The following WSCD2 variants were observed in gnomAD, a reference collection of about 807,000 sequenced individuals.
WSCD2 encodes the protein WSC domain sialate O sulfotransferase 2.
A neutral mutation model predicts 55.7 loss-of-function variants in WSCD2; 28 were observed. That is an observed-to-expected ratio of 0.50 (90% CI 0.37 to 0.69). The LOEUF is 0.69. Ranked by LOEUF, WSCD2 falls within the 30% of genes least tolerant of loss-of-function variation. The pLI, the probability that WSCD2 is intolerant of heterozygous loss-of-function variation, is 0.00. For synonymous variants in WSCD2, 301 were observed against 301.9 expected (o/e 1.00, Z 0.03); for missense variants, 616 against 762.1 (o/e 0.81, Z 2.26).
rs896297797 is a variant in WSCD2, at chr12:108,195,677, C to A, written c.-156C>A. The A allele has an allele frequency of 9.4e-7, 1 of 1,060,466 alleles. No individual in the cohort carries two copies. Among genetic ancestry groups the A allele is most frequent in the Non-Finnish European group, 1.3e-6 (1 of 754,654 alleles). The allele number at this position is 1,060,466 out of a possible 1,614,324, so 65.7% of individuals were successfully genotyped here. ...CTCAGCCAAGCATTGAACTTGCCCT[C>A]CCCTTCTGGCCTTGGTGATCACTTT... On this transcript the variant is annotated 5_prime_UTR_variant, in exon 2 of 9. Coordinates refer to ENST00000547525, the MANE Select transcript of WSCD2 (RefSeq NM_014653.4).
At chr12:108,148,459 G>A (rs1339847053) in intron 1 of WSCD2, among the ~76,000 whole-genome samples, 1 of 151,922 alleles carries the variant, frequency 6.6e-6, no homozygotes, top group African/African-American at 2.4e-5. Flanking sequence ...GGACAATGGC[G>A]GTGGGTAGTG....
At chr12:108,188,593 T>G (rs1882798056) in intron 1 of WSCD2, among the ~76,000 whole-genome samples, 1 of 152,148 alleles carries the variant, frequency 6.6e-6, no homozygotes, top group Admixed American at 6.5e-5. Context: ...TAATGGCATT[T>G]CTTCTCAAGC....
chr12:108,183,234 G>A (rs181287462), intron 1 of WSCD2, among the ~76,000 whole-genome samples: 23 of 152,342 alleles, frequency 1.5e-4, no homozygotes, highest in Admixed American at 1.5e-3. Flanking sequence ...TGGTCAAAAT[G>A]AGAAGATCCA....
intron 3 of WSCD2, among the ~76,000 whole-genome samples, chr12:108,207,438 C>T (rs1318678710): frequency 2.0e-5 from 3 of 151,370 alleles, no homozygotes; most frequent in Non-Finnish European, 4.4e-5. Context: ...GGCATAATCT[C>T]GGCTCACTGC....
chr12:108,248,039 C>T lies in WSCD2; in HGVS notation c.1394C>T (p.Thr465Ile). ...RNYAPWWATH[T>I]LDWLKFGKKV... The stretch of plus-strand genomic sequence containing the variant: ...TATGCCCCGTGGTGGGCCACTCACA[C>T]ACTGGACTGGCTCAAGTTTGGCAAG... Residue 465 changes from threonine (T) to isoleucine (I), a missense_variant, in exon 9 of 9, where the codon ACA becomes ATA. Physicochemically the swap from Thr to Ile is moderately conservative, Grantham distance 89. Coordinates refer to ENST00000547525, the MANE Select transcript of WSCD2 (RefSeq NM_014653.4). This position sits in a 1 kb window ranked among gnomAD's most constrained non-coding sequence, Gnocchi z 4.3. 6.2e-7 allele frequency: 1 copy of T among 1,614,208 alleles called. No individual in the cohort carries two copies. Among genetic ancestry groups the T allele is most frequent in the Non-Finnish European group, 8.5e-7 (1 of 1,180,036 alleles).
chr12:108,136,386 C>T (rs1018688343), intron 1 of WSCD2, among the ~76,000 whole-genome samples: 4 of 128,306 alleles, frequency 3.1e-5, no homozygotes, highest in African/African-American at 1.1e-4. Context: ...AGGACTTCTC[C>T]AGTGCAGCTT....
At position 108,195,791 on chromosome 12, in the gene WSCD2, C is replaced by A; in HGVS notation, c.-42C>A. The A allele has an allele frequency of 6.4e-7, 1 of 1,561,224 alleles. No homozygotes were observed. Among genetic ancestry groups the A allele is most frequent in the Non-Finnish European group, 8.7e-7 (1 of 1,151,796 alleles). On this transcript the variant is annotated 5_prime_UTR_variant, in exon 2 of 9. Coordinates refer to ENST00000547525, the MANE Select transcript of WSCD2 (RefSeq NM_014653.4). ...AGCCCCTTCCATCCTCTCCCAAGCA[C>A]CCCAGCCAAGCCCCAGAGAGCCAGT...
intron 1 of WSCD2, among the ~76,000 whole-genome samples, chr12:108,172,664 G>A (rs1446373705): frequency 6.6e-6 from 1 of 152,202 alleles, no homozygotes; most frequent in African/African-American, 2.4e-5. Context: ...AAGATCGCCA[G>A]CAACTGCTAG....
At chr12:108,144,309 G>T (rs1470729818) in intron 1 of WSCD2, among the ~76,000 whole-genome samples, 1 of 152,068 alleles carries the variant, frequency 6.6e-6, no homozygotes, top group African/African-American at 2.4e-5. Context: ...CTTTTTCATG[G>T]CCATGGGAGC....
chr12:108,136,866 C>A (rs1303422064), intron 1 of WSCD2, among the ~76,000 whole-genome samples: 1 of 152,208 alleles, frequency 6.6e-6, no homozygotes, highest in Non-Finnish European at 1.5e-5. Flanking sequence ...ATGCACCAGG[C>A]CAGGTCCATC....
At chr12:108,131,782 T>A (rs1468553147) in intron 1 of WSCD2, 4 of 152,280 alleles carry the variant, frequency 2.6e-5, no homozygotes, top group Non-Finnish European at 5.9e-5. Context: ...GACCAGCCAC[T>A]CCTAGTGGGG....
intron 4 of WSCD2, among the ~76,000 whole-genome samples, chr12:108,217,710 G>C (rs1284194926): frequency 6.6e-6 from 1 of 152,136 alleles, no homozygotes; most frequent in African/African-American, 2.4e-5. Context: ...ACTGCTCCTG[G>C]AACTGACTTC....
chr12:108,222,841 C>T (rs1352448595), intron 4 of WSCD2, among the ~76,000 whole-genome samples: 1 of 152,166 alleles, frequency 6.6e-6, no homozygotes, highest in Non-Finnish European at 1.5e-5. Context: ...ATAAAAATTA[C>T]CTATATTCCT....
rs557114837 is a variant in WSCD2 at position 108,224,801 on chromosome 12, G to T, written c.745G>T (p.Val249Leu). The part of the protein sequence containing the change: ...RPDNLSLALP[V>L]TAAMLNMSVD... ...CGACAACCTTTCCCTGGCCTTACCC[G>T]TGACAGCTGCCATGCTGAACATGTC... The change falls in exon 5 of 9, where the codon GTG (valine) becomes TTG (leucine). Residue 249 changes from valine to leucine, a missense_variant. Coordinates refer to ENST00000547525, the MANE Select transcript of WSCD2 (RefSeq NM_014653.4). 7 of 1,613,740 alleles carry T rather than the reference G, an allele frequency of 4.3e-6. No individual in the cohort carries two copies. Among genetic ancestry groups the T allele is most frequent in the Non-Finnish European group, 5.9e-6 (7 of 1,180,042 alleles).
chr12:108,132,386 G>A (rs1041440399), intron 1 of WSCD2, among the ~76,000 whole-genome samples: 7 of 152,208 alleles, frequency 4.6e-5, no homozygotes, highest in Non-Finnish European at 1.0e-4. Context: ...TCATGCAGGT[G>A]TGGGCTCATG....
rs371964028 is a variant in WSCD2, at chr12:108,150,476, C to T, written c.-552+20550C>T. Reference sequence around the variant, plus strand: ...TGGAGTCTAGGATGGGAAGGATGAGCGGGACTCAAGCATGCAAAGGAGTGT... The same window carrying T: ...TGGAGTCTAGGATGGGAAGGATGAGTGGGACTCAAGCATGCAAAGGAGTGT... On this transcript the variant is annotated intron_variant, in intron 1 of 8. Transcript: ENST00000547525. 6.6e-5 allele frequency among the ~76,000 whole-genome samples: 10 copies of T among 152,088 alleles called. No homozygotes were observed. In the East Asian group the frequency reaches 9.7e-4, roughly 15 times the overall value.
chr12:108,210,190 C>G lies in WSCD2; in HGVS notation c.567C>G (p.Asn189Lys). Reference sequence around the variant, plus strand: ...GCGGCCACAAGATCCAGGCGACGAACGTGAGCGAGGCAGAGTGCGACATGG... The same window carrying G: ...GCGGCCACAAGATCCAGGCGACGAAGGTGAGCGAGGCAGAGTGCGACATGG... ...CYCGHKIQAT[N>K]VSEAECDMEC... Residue 189 changes from asparagine to lysine, a missense_variant, in exon 4 of 9, where the codon AAC becomes AAG. Asn to Lys is a moderately conservative substitution (Grantham distance 94). Around this residue, in one of 3 missense-constraint regions of WSCD2, gnomAD observed 374 missense variants for 467.4 expected, o/e 0.80. Transcript: ENST00000547525. This position sits in a 1 kb window ranked among gnomAD's most constrained non-coding sequence, Gnocchi z 4.3. 6.2e-7 allele frequency: 1 copy of G among 1,614,080 alleles called. No homozygotes were observed. Among genetic ancestry groups the G allele is most frequent in the Non-Finnish European group, 8.5e-7 (1 of 1,179,986 alleles).
chr12:108,250,038 G>A lies in WSCD2; in HGVS notation c.*1695G>A, dbSNP rs921010608. ...AGACCTGGGTCAGTTCTTTGCTGGT[G>A]GTCCCCTCTGACCACAAGCTTCTGC... On this transcript the variant is annotated 3_prime_UTR_variant, in exon 9 of 9. Coordinates refer to ENST00000547525, the MANE Select transcript of WSCD2 (RefSeq NM_014653.4). The A allele has an allele frequency of 6.6e-6, 1 of 152,548 alleles. No homozygotes were observed. The highest frequency in any genetic ancestry group is 2.1e-4 in the South Asian group (1 of 4,822). The allele number at this position is 152,548 out of a possible 1,614,324, so 9.4% of individuals were successfully genotyped here.
intron 6 of WSCD2, among the ~76,000 whole-genome samples, chr12:108,229,392 T>C (rs1269625724): frequency 6.6e-6 from 1 of 152,226 alleles, no homozygotes; most frequent in African/African-American, 2.4e-5. Flanking sequence ...GTTGAGTAAC[T>C]TGGCCAAAGT....
Sources: allele counts gnomAD v4.1 joint callset (sites outside exome capture counted in the v4.1 genomes callset), GRCh38; gene constraint gnomAD v4.1.1; regional missense constraint gnomAD v4.1.1; non-coding constraint Gnocchi (gnomAD v3.1); transcripts MANE v1.5; gene names NCBI Gene and HGNC (gene_info 2026-07-23, HGNC 2026-07-21).